KCNH5: variants seen among roughly 807,000 people sequenced by gnomAD.
The protein encoded by KCNH5 is potassium voltage-gated channel subfamily H member 5.
A neutral mutation model predicts 96.1 loss-of-function variants in KCNH5; 46 were observed. The observed-to-expected ratio is 0.48, with a 90% CI of 0.38 to 0.61. The LOEUF is 0.61. KCNH5 is among the 20% of genes least tolerant of loss of function. The pLI, the probability that KCNH5 is intolerant of heterozygous loss-of-function variation, is 0.00. For synonymous variants in KCNH5, 439 were observed against 449.8 expected (o/e 0.98, Z 0.30); for missense variants, 907 against 1,225.8 (o/e 0.74, Z 3.88).
intron 3 of KCNH5, among the ~76,000 whole-genome samples, chr14:63,003,561 A>ATATATT (rs1460317366): frequency 2.4e-5 from 3 of 123,240 alleles, no homozygotes. Flanking sequence ...TATATATTAT[A>ATATATT]TATATTTATA....
chr14:62,884,981 T>G (rs866386843), intron 7 of KCNH5, among the ~76,000 whole-genome samples: 9 of 152,198 alleles, frequency 5.9e-5, no homozygotes, highest in African/African-American at 2.2e-4. Context: ...CTTTATAGGA[T>G]GCCAGTGTAC....
chr14:62,768,500 G>A (rs977944439), intron 10 of KCNH5, among the ~76,000 whole-genome samples: 4 of 152,142 alleles, frequency 2.6e-5, no homozygotes, highest in Admixed American at 6.5e-5. Flanking sequence ...ACAGTCTAGC[G>A]TCCAGCTAAG....
At chr14:62,900,999 T>G (rs1272684391) in intron 7 of KCNH5, among the ~76,000 whole-genome samples, 3 of 152,242 alleles carry the variant, frequency 2.0e-5, no homozygotes, top group Middle Eastern at 3.4e-3. Context: ...TTGTTTTGTT[T>G]TGTTTTTGAG....
chr14:62,796,516 G>T (rs1401192189), intron 9 of KCNH5, among the ~76,000 whole-genome samples: 1 of 152,104 alleles, frequency 6.6e-6, no homozygotes, highest in Non-Finnish European at 1.5e-5. Flanking sequence ...AGTTACAATT[G>T]AAAGACTTAG....
intron 10 of KCNH5, among the ~76,000 whole-genome samples, chr14:62,774,815 A>G (rs1029038853): frequency 1.3e-5 from 2 of 152,150 alleles, no homozygotes; most frequent in Non-Finnish European, 2.9e-5. Context: ...TTATTGAAAA[A>G]AAAACCCCAG....
chr14:62,783,212 A>C (rs963207415), intron 9 of KCNH5, among the ~76,000 whole-genome samples: 10 of 152,178 alleles, frequency 6.6e-5, no homozygotes, highest in African/African-American at 2.4e-4. Flanking sequence ...ACACACATAC[A>C]TGCACACAAA....
chr14:62,880,436 C>T (rs10135421), intron 7 of KCNH5, among the ~76,000 whole-genome samples: 20,958 of 152,022 alleles, frequency 0.14, 1,702 homozygotes, highest in East Asian at 0.28. Flanking sequence ...TTTCACAAGG[C>T]AAAAGAGTAA....
At chr14:63,006,086 G>GGATCTTTATT (rs1265425175) in intron 3 of KCNH5, among the ~76,000 whole-genome samples, 1 of 152,028 alleles carries the variant, frequency 6.6e-6, no homozygotes, top group African/African-American at 2.4e-5. Flanking sequence ...CATAATTATA[G>GGATCTTTATT]GATCTTTATT....
intron 10 of KCNH5, among the ~76,000 whole-genome samples, chr14:62,722,281 T>C (rs1321861181): frequency 6.6e-6 from 1 of 152,168 alleles, no homozygotes; most frequent in Non-Finnish European, 1.5e-5. Flanking sequence ...TGTTCTCACA[T>C]GTTTTCATCT....
chr14:62,850,740 A>G (rs999967849), intron 7 of KCNH5, among the ~76,000 whole-genome samples: 1 of 152,140 alleles, frequency 6.6e-6, no homozygotes, highest in Non-Finnish European at 1.5e-5. Context: ...CCAATCTTCA[A>G]TAGCACACTA....
At chr14:63,039,919 CAGAA>C (rs1226919312) in intron 1 of KCNH5, among the ~76,000 whole-genome samples, 1 of 151,728 alleles carries the variant, frequency 6.6e-6, no homozygotes, top group African/African-American at 2.4e-5. Context: ...GGTGGGAGAA[CAGAA>C]AAAGAGAAAA....
chr14:62,755,977 A>G (rs568136004), intron 10 of KCNH5, among the ~76,000 whole-genome samples: 1 of 152,200 alleles, frequency 6.6e-6, no homozygotes, highest in East Asian at 1.9e-4. Flanking sequence ...TAAAAACCAT[A>G]TATTATAGAT....
chr14:62,849,386 G>A (rs1460539506), intron 8 of KCNH5, among the ~76,000 whole-genome samples: 4 of 152,128 alleles, frequency 2.6e-5, no homozygotes, highest in Non-Finnish European at 4.4e-5. Flanking sequence ...TAATAAGACT[G>A]TTTTGGGGAA....
chr14:62,750,888 C>G (rs1304602379), intron 10 of KCNH5, among the ~76,000 whole-genome samples: 1 of 152,188 alleles, frequency 6.6e-6, no homozygotes, highest in Non-Finnish European at 1.5e-5. Context: ...ACCCAGCTTT[C>G]CTGTTTCCCT....
intron 2 of KCNH5, among the ~76,000 whole-genome samples, chr14:63,008,658 T>G (rs1891171002): frequency 6.6e-6 from 1 of 151,690 alleles, no homozygotes; most frequent in Non-Finnish European, 1.5e-5. Flanking sequence ...AGTAAAAGGA[T>G]CTCAGAATAA....
intron 7 of KCNH5, among the ~76,000 whole-genome samples, chr14:62,911,442 C>T (rs1251149422): frequency 1.3e-5 from 2 of 151,640 alleles, no homozygotes; most frequent in Admixed American, 6.6e-5. Context: ...TAATCAAAAG[C>T]CAAGTAGAAT....
chr14:62,919,367 A>G (rs1445140222), intron 7 of KCNH5, among the ~76,000 whole-genome samples: 1 of 152,190 alleles, frequency 6.6e-6, no homozygotes, highest in African/African-American at 2.4e-5. Context: ...TAATGATATA[A>G]CTGCTCTAGG....
intron 7 of KCNH5, among the ~76,000 whole-genome samples, chr14:62,928,449 T>C (rs539968550): frequency 6.6e-6 from 1 of 152,246 alleles, no homozygotes; most frequent in Non-Finnish European, 1.5e-5. Flanking sequence ...AATATTTATT[T>C]AGCATTTACA....
chr14:62,771,750 C>G (rs1199996378), intron 10 of KCNH5, among the ~76,000 whole-genome samples: 1 of 152,150 alleles, frequency 6.6e-6, no homozygotes, highest in Non-Finnish European at 1.5e-5. Context: ...TCATTTTTAT[C>G]AACATCCAAT....
Sources: gnomAD v4.1 joint callset for allele counts (sites outside exome capture counted in the v4.1 genomes callset) on GRCh38, gnomAD v4.1.1 for gene constraint, MANE v1.5 for transcripts, NCBI Gene and HGNC (gene_info 2026-07-23, HGNC 2026-07-21) for gene names.